Variants in TAF2 observed in about 807,000 individuals in gnomAD.
TAF2 encodes transcription initiation factor TFIID subunit 2.
TAF2 carries 61 observed loss-of-function variants against 138.5 expected under a neutral mutation model. The observed-to-expected ratio is 0.44, with a 90% CI of 0.36 to 0.54. The LOEUF (loss-of-function observed/expected upper bound fraction) is 0.54, where lower values mean the gene tolerates loss of function less well. Among genes scored for constraint, TAF2 ranks in the 20% least tolerant of loss-of-function variants. TAF2 has a pLI of 0.00. For synonymous variants in TAF2, 475 were observed against 469.9 expected, an observed-to-expected ratio of 1.01 and a Z score of -0.14; for missense variants, 1,090 against 1,427.9, an observed-to-expected ratio of 0.76 and a Z score of 3.81.
chr8:119,739,373 T>G (rs1282259805), intron 25 of TAF2, among the ~76,000 whole-genome samples: 1 of 151,990 alleles, frequency 6.6e-6, no homozygotes, highest in African/African-American at 2.4e-5. Flanking sequence ...AAAAGGAAAA[T>G]AAATAATAAA....
chr8:119,793,737 C>T (rs1030445654), intron 9 of TAF2, among the ~76,000 whole-genome samples: 1 of 152,128 alleles, frequency 6.6e-6, no homozygotes, highest in Admixed American at 6.6e-5. Context: ...TCTGAGCTGT[C>T]TCCAAGTTTA....
chr8:119,764,019 C>G (rs1158349315), intron 18 of TAF2, among the ~76,000 whole-genome samples: 1 of 147,798 alleles, frequency 6.8e-6, no homozygotes, highest in Non-Finnish European at 1.5e-5. Context: ...TGTGGTGGCA[C>G]ACGCCTATAA....
chr8:119,831,806 A>G (rs1826465640), intron 1 of TAF2, 75 bp from the exon 2 acceptor site: 3 of 995,684 alleles, frequency 3.0e-6, no homozygotes, highest in South Asian at 3.6e-5. Flanking sequence ...ATTCTATCCA[A>G]GTATAAATTA....
At chr8:119,812,647 T>C (rs1282951519) in intron 3 of TAF2, among the ~76,000 whole-genome samples, 1 of 152,150 alleles carries the variant, frequency 6.6e-6, no homozygotes, top group South Asian at 2.1e-4. Context: ...CTCAGAATAC[T>C]GGCCTCCAGT....
intron 12 of TAF2, 60 bp downstream of exon 12, chr8:119,789,532 C>T (rs1323034037): frequency 2.5e-6 from 4 of 1,595,178 alleles, no homozygotes; most frequent in African/African-American, 2.7e-5. Context: ...TTCCATCTTC[C>T]CCTTGCACAC....
intron 22 of TAF2, among the ~76,000 whole-genome samples, chr8:119,747,374 G>A (rs1015020577): frequency 6.6e-6 from 1 of 152,188 alleles, no homozygotes; most frequent in African/African-American, 2.4e-5. Flanking sequence ...AAACACCTTT[G>A]TATTTGTGTT....
intron 25 of TAF2, among the ~76,000 whole-genome samples, chr8:119,732,546 G>A (rs1478583370): frequency 6.6e-6 from 1 of 152,174 alleles, no homozygotes; most frequent in Admixed American, 6.5e-5. Flanking sequence ...GCTCACTCCT[G>A]TAATCCCAGC....
Position 119,789,653 on chromosome 8 carries a change from A to G in TAF2, c.1507T>C (p.Phe503Leu). ...GAGACATTTGAAATGGATTTCAAAA[A>G]CCCAGATGTGGAAACCAACATCTGA... ...WSQMLVSTSG[F>L]LKSISNVSGK... Residue 503 changes from phenylalanine (F) to leucine (L), a missense_variant, in exon 12 of 26, where the codon TTT (phenylalanine) becomes CTT (leucine). Transcript: ENST00000378164. The G allele has an allele frequency of 6.2e-7, 1 of 1,613,942 alleles. No homozygotes were observed. The highest frequency in any genetic ancestry group is 8.5e-7 in the Non-Finnish European group (1 of 1,179,942).
At chr8:119,755,913 C>T (rs1040918808) in intron 22 of TAF2, 93 bp downstream of exon 22, 18 of 1,017,996 alleles carry the variant, frequency 1.8e-5, no homozygotes, top group Admixed American at 1.5e-4. Flanking sequence ...TCAACTTTTA[C>T]CTTTAGTTCT....
intron 6 of TAF2, among the ~76,000 whole-genome samples, chr8:119,798,476 T>G (rs1182978880): frequency 2.6e-5 from 4 of 152,140 alleles, no homozygotes; most frequent in Non-Finnish European, 5.9e-5. Context: ...CCATCAACAA[T>G]GACACAGGTC....
chr8:119,782,702 T>G (rs536083326), intron 16 of TAF2, among the ~76,000 whole-genome samples: 1 of 152,364 alleles, frequency 6.6e-6, no homozygotes, highest in South Asian at 2.1e-4. Context: ...TTCAGATAAT[T>G]TGCATCTAAA....
Position 119,732,198 on chromosome 8 carries a change from A to G in TAF2, c.3338-12T>C, listed in dbSNP as rs1439725666. 17 of 1,612,242 alleles carry G rather than the reference A, an allele frequency of 1.1e-5. No individual in the cohort carries two copies. The highest frequency in any genetic ancestry group is 1.4e-5 in the Non-Finnish European group (17 of 1,178,354). On this transcript the variant is annotated splice_polypyrimidine_tract_variant and intron_variant, in intron 25 of 25. Coordinates refer to ENST00000378164, the MANE Select transcript of TAF2 (RefSeq NM_003184.4). ...TGCTTGTTCTTTACCTTCAAGATTA[A>G]AAATACCCAAATGAATTCCTGCTGA...
chr8:119,746,320 C>CTGAGAGTGAG (rs1216236689), intron 23 of TAF2, among the ~76,000 whole-genome samples: 2 of 127,852 alleles, frequency 1.6e-5, no homozygotes, highest in African/African-American at 5.9e-5. Context: ...TTGCAGTGAG[C>CTGAGAGTGAG]TGAGAGTGAG....
At chr8:119,796,136 A>G (rs1823810032) in intron 8 of TAF2, among the ~76,000 whole-genome samples, 2 of 151,726 alleles carry the variant, frequency 1.3e-5, no homozygotes, top group Admixed American at 6.6e-5. Flanking sequence ...TCATTTATTC[A>G]TTTGTATACT....
At chr8:119,734,105 C>T (rs939099947) in intron 25 of TAF2, among the ~76,000 whole-genome samples, 4 of 152,084 alleles carry the variant, frequency 2.6e-5, no homozygotes, top group South Asian at 2.1e-4. Flanking sequence ...CCCCCAACAA[C>T]GAATTATGCC....
rs1384675472 is a variant in TAF2 at position 119,807,410 on chromosome 8, A to T, written c.300-1009T>A. Among the ~76,000 whole-genome samples the T allele has an allele frequency of 2.6e-5, 4 of 151,554 alleles. No homozygotes were observed. The East Asian group carries it at 7.8e-4, about 29-fold the overall frequency. On this transcript the variant is annotated intron_variant, in intron 3 of 25. Transcript: ENST00000378164. ...AACTTATATGTGTACATATACACAT[A>T]TTACATTTCCTCACTGAAATTAGTT...
At chr8:119,765,698 A>G (rs892429214) in intron 18 of TAF2, among the ~76,000 whole-genome samples, 3 of 152,196 alleles carry the variant, frequency 2.0e-5, no homozygotes, top group Non-Finnish European at 2.9e-5. Flanking sequence ...TCCATCACAA[A>G]GATTACTCTG....
At chr8:119,777,503 C>A (rs1404864304) in intron 18 of TAF2, among the ~76,000 whole-genome samples, 5 of 152,012 alleles carry the variant, frequency 3.3e-5, no homozygotes, top group Non-Finnish European at 7.4e-5. Flanking sequence ...AAAACATTTG[C>A]TGATTGTTGG....
Position 119,788,777 on chromosome 8 carries a change from G to A in TAF2, c.1683+13C>T, listed in dbSNP as rs764248440. The A allele has an allele frequency of 3.1e-6, 5 of 1,594,532 alleles. No individual in the cohort carries two copies. Among genetic ancestry groups the A allele is most frequent in the Non-Finnish European group, 4.3e-6 (5 of 1,162,504 alleles). ...AGATAGCAGTACAAAGGCGATTTTG[G>A]AAAAAGACTTACCACGTATTTCTGA... On this transcript the variant is annotated intron_variant, in intron 13 of 25. Transcript: ENST00000378164.
Sources: allele counts gnomAD v4.1 joint callset (sites outside exome capture counted in the v4.1 genomes callset), GRCh38; gene constraint gnomAD v4.1.1; transcripts MANE v1.5; gene names NCBI Gene and HGNC (gene_info 2026-07-23, HGNC 2026-07-21).